The following PNPT1 variants were observed in gnomAD, a reference collection of about 807,000 sequenced individuals.
The protein encoded by PNPT1 is polyribonucleotide nucleotidyltransferase 1, also known as polyribonucleotide nucleotidyltransferase 1, mitochondrial.
A neutral mutation model predicts 119.5 loss-of-function variants in PNPT1; 53 were observed. The ratio of observed to expected loss-of-function variants is 0.44; its 90% confidence interval spans 0.36 to 0.56. The LOEUF (loss-of-function observed/expected upper bound fraction) is 0.56, where lower values mean the gene tolerates loss of function less well. Ranked by LOEUF, PNPT1 falls within the 20% of genes least tolerant of loss-of-function variation. PNPT1 has a pLI of 0.00. For synonymous variants in PNPT1, 357 were observed against 322.1 expected (o/e 1.11, Z -1.16); for missense variants, 948 against 938.5 (o/e 1.01, Z -0.13).
intron 26 of PNPT1, 117 bp from the exon 27 acceptor site, chr2:55,637,716 G>A: frequency 3.4e-6 from 3 of 876,630 alleles, no homozygotes; most frequent in Non-Finnish European, 5.5e-6. Flanking sequence ...TCAGTTAGCG[G>A]CTGGGCGCAG....
chr2:55,671,934 G>A, intron 10 of PNPT1, 61 bp downstream of exon 10: 2 of 1,234,102 alleles, frequency 1.6e-6, no homozygotes, highest in South Asian at 2.8e-5. Context: ...AAAATTACAT[G>A]AGTTATGACA....
Position 55,655,051 on chromosome 2 carries a change from AC to A in PNPT1, c.1442-99del. ...TTCCTTATAAATATTCAGTTACAAT[AC>A]AAATATTCAATAGTCTCTTCTTTTT... On this transcript the variant is annotated intron_variant, in intron 17 of 27. Coordinates refer to ENST00000447944, the MANE Select transcript of PNPT1 (RefSeq NM_033109.5). 2.6e-6 allele frequency: 3 copies of A among 1,138,814 alleles called. No individual in the cohort carries two copies. The South Asian group carries it at 4.3e-5, about 16-fold the overall frequency. 70.5% of individuals were successfully genotyped at this position (1,138,814 alleles called of 1,614,324 possible).
intron 21 of PNPT1, 98 bp from the exon 22 acceptor site, chr2:55,645,530 G>T: frequency 1.4e-6 from 1 of 721,236 alleles, no homozygotes; most frequent in Non-Finnish European, 2.3e-6. Flanking sequence ...AAACCCTGTA[G>T]CTTAATAATT....
chr2:55,673,726 G>A (rs1289154526), intron 8 of PNPT1, among the ~76,000 whole-genome samples: 15 of 152,204 alleles, frequency 9.9e-5, no homozygotes, highest in Admixed American at 7.2e-4. Context: ...GGGATTAGAC[G>A]TGAGCCACTG....
intron 18 of PNPT1, among the ~76,000 whole-genome samples, chr2:55,650,109 T>A (rs1696124056): frequency 6.6e-6 from 1 of 152,078 alleles, no homozygotes; most frequent in Non-Finnish European, 1.5e-5. Context: ...GAATTCTTAC[T>A]TAAAAAAAAT....
At chr2:55,648,039 C>T (rs1439032075) in intron 18 of PNPT1, among the ~76,000 whole-genome samples, 1 of 152,062 alleles carries the variant, frequency 6.6e-6, no homozygotes, top group Non-Finnish European at 1.5e-5. Flanking sequence ...TGCTTTTTTG[C>T]TTCAGGTGTC....
At chr2:55,661,871 CA>C (rs1314015724) in intron 14 of PNPT1, 84 bp downstream of exon 14, 30 of 1,233,570 alleles carry the variant, frequency 2.4e-5, no homozygotes, top group Non-Finnish European at 3.2e-5. Flanking sequence ...AAAAAAGTAA[CA>C]ATAATTAATA....
Position 55,683,612 on chromosome 2 carries a change from CA to C in PNPT1, c.453+172del, listed in dbSNP as rs397943177. On this transcript the variant is annotated intron_variant, in intron 5 of 27. Coordinates refer to ENST00000447944, the MANE Select transcript of PNPT1 (RefSeq NM_033109.5). ...TGGGCGACAAAGTGAGACTCTGTCT[CA>C]AAAAAAAAAAAAAAAAAAGTACTAT... Among the ~76,000 whole-genome samples, 383 of 74,164 alleles carry C rather than the reference CA, an allele frequency of 5.2e-3. No individual in the cohort carries two copies. The highest frequency in any genetic ancestry group is 0.015 in the African/African-American group (291 of 18,862). The allele number at this position is 74,164 out of a possible 152,430, so 48.7% of individuals were successfully genotyped here.
intron 22 of PNPT1, chr2:55,644,968 A>G: frequency 2.7e-6 from 1 of 367,104 alleles, no homozygotes; most frequent in Non-Finnish European, 4.8e-6. Context: ...AAAACAATTT[A>G]AAAGCAGTAA....
chr2:55,664,524 C>T (rs893126732), intron 13 of PNPT1, among the ~76,000 whole-genome samples: 2 of 151,940 alleles, frequency 1.3e-5, no homozygotes, highest in African/African-American at 4.8e-5. Flanking sequence ...TGGAAAATAA[C>T]TCAGAAGTAC....
At position 55,655,517 on chromosome 2, in the gene PNPT1, A is replaced by G. The variant is rs77108840; in HGVS notation, c.1442-564T>C. Among the ~76,000 whole-genome samples the G allele has an allele frequency of 3.3e-3, 508 of 152,368 alleles. 10 individuals are homozygous for G. In the East Asian group the frequency reaches 0.061, roughly 18 times the overall value. ...TTGCTTATCAGAAGTAGTTAAAGAT[A>G]TAGGGCTTTGGCTCTCTCATTCTCA... On this transcript the variant is annotated intron_variant, in intron 17 of 27. Transcript: ENST00000447944.
In PNPT1 at chr2:55,673,869, T is replaced by A. The variant is rs1353327759; in HGVS notation, c.680-790A>T. 2.0e-5 allele frequency among the ~76,000 whole-genome samples: 3 copies of A among 152,292 alleles called. No individual in the cohort carries two copies. In the East Asian group the frequency reaches 5.8e-4, roughly 29 times the overall value. ...TCCAAAGTGCTGGGGATTACAGGCG[T>A]GAGCCACTACATCCAGCTAATTTTT... On this transcript the variant is annotated intron_variant, in intron 8 of 27. Transcript: ENST00000447944.
intron 8 of PNPT1, among the ~76,000 whole-genome samples, chr2:55,677,459 C>T (rs981370978): frequency 6.6e-6 from 1 of 151,508 alleles, no homozygotes; most frequent in Non-Finnish European, 1.5e-5. Flanking sequence ...CTGGGCATGG[C>T]GGTGCACGCC....
chr2:55,686,237 A>G, intron 3 of PNPT1, 133 bp downstream of exon 3: 2 of 718,614 alleles, frequency 2.8e-6, no homozygotes, highest in East Asian at 5.8e-5. Flanking sequence ...ATGAATCAGT[A>G]TCAAAAAACT....
chr2:55,660,098 C>T (rs895795792), intron 15 of PNPT1, 59 bp downstream of exon 15: 33 of 1,463,568 alleles, frequency 2.3e-5, no homozygotes, highest in African/African-American at 5.7e-5. Context: ...GGTGAGACCT[C>T]GTCTCACAAA....
intron 8 of PNPT1, among the ~76,000 whole-genome samples, chr2:55,676,973 T>C (rs892817265): frequency 6.6e-6 from 1 of 152,198 alleles, no homozygotes; most frequent in African/African-American, 2.4e-5. Context: ...GATGGTGGTA[T>C]TTCACTTGGA....
At chr2:55,638,500 T>G (rs1040709671) in intron 26 of PNPT1, among the ~76,000 whole-genome samples, 6 of 151,712 alleles carry the variant, frequency 4.0e-5, no homozygotes, top group Non-Finnish European at 7.4e-5. Context: ...TCCAAAAAAA[T>G]TAGCCGGGTG....
At chr2:55,667,181 T>C in intron 12 of PNPT1, 88 bp from the exon 13 acceptor site, 1 of 940,342 alleles carries the variant, frequency 1.1e-6, no homozygotes. Context: ...GTTCTCAACC[T>C]CAGTTGTGTA....
rs777689377 is a variant in PNPT1 at position 55,645,449 on chromosome 2, C to T, written c.1739-17G>A. ...TTTTTGCCACTAGAAGAGAAAAACA[C>T]AAAAATTATAACTACATAAAACAAA... is the stretch of plus-strand genomic sequence containing the variant. On this transcript the variant is annotated splice_polypyrimidine_tract_variant and intron_variant, in intron 21 of 27. Transcript: ENST00000447944. 3 of 1,519,994 alleles carry T rather than the reference C, an allele frequency of 2.0e-6. No homozygotes were observed. 94.2% of individuals were successfully genotyped at this position (1,519,994 alleles called of 1,614,324 possible). A position where few individuals can be genotyped will look rare whatever the true frequency, so the allele number is the denominator to read the frequency against.
Sources: gnomAD v4.1 joint callset for allele counts (sites outside exome capture counted in the v4.1 genomes callset) on GRCh38, gnomAD v4.1.1 for gene constraint, MANE v1.5 for transcripts, NCBI Gene and HGNC (gene_info 2026-07-23, HGNC 2026-07-21) for gene names.